MAGI1: variants seen among roughly 807,000 people sequenced by gnomAD.
The protein encoded by MAGI1 is membrane associated guanylate kinase, WW and PDZ domain containing 1.
A neutral mutation model predicts 139.9 loss-of-function variants in MAGI1; 58 were observed. The observed-to-expected ratio is 0.41, with a 90% CI of 0.34 to 0.52. The LOEUF (loss-of-function observed/expected upper bound fraction) is 0.52. Ranked by LOEUF, MAGI1 falls within the 20% of genes least tolerant of loss-of-function variation. MAGI1 has a pLI of 0.12. For missense variants in MAGI1, 1,874 were observed against 1,901.6 expected (o/e 0.99, Z 0.27); for synonymous variants, 812 against 737.9 (o/e 1.10, Z -1.63).
chr3:65,383,600 T>A lies in MAGI1; in HGVS notation c.2440A>T (p.Ile814Phe), dbSNP rs1248678246. Residue 814 changes from isoleucine (I) to phenylalanine (F), a missense_variant, in exon 15 of 23, where the codon ATC becomes TTC. Around this residue, in one of 5 missense-constraint regions of MAGI1, gnomAD observed 482 missense variants for 509.6 expected, o/e 0.95. Transcript: ENST00000402939. ...NRLPDYQEQDIFLWRKETGFG... is the reference protein window; with the variant it reads ...NRLPDYQEQDFFLWRKETGFG... ...CCAGTCTCTTTTCTCCAGAGGAAGA[T>A]GTCCTGTTCCTGGTAATCTGGAACT... The A allele has an allele frequency of 1.2e-6, 2 of 1,613,270 alleles. No individual in the cohort carries two copies. Among genetic ancestry groups the A allele is most frequent in the Non-Finnish European group, 1.7e-6 (2 of 1,179,392 alleles).
At chr3:65,740,809 T>C (rs1052302185) in intron 1 of MAGI1, among the ~76,000 whole-genome samples, 1 of 152,206 alleles carries the variant, frequency 6.6e-6, no homozygotes. Flanking sequence ...TAGTGCTAAG[T>C]AAATAAAAAT....
intron 2 of MAGI1, among the ~76,000 whole-genome samples, chr3:65,524,272 TG>T (rs1371316541): frequency 2.6e-5 from 4 of 152,198 alleles, no homozygotes; most frequent in Admixed American, 1.3e-4. Context: ...CTGGAAACGA[TG>T]GAGTCTCTCA....
chr3:65,901,700 C>T (rs1043141210), intron 1 of MAGI1, among the ~76,000 whole-genome samples: 1 of 152,148 alleles, frequency 6.6e-6, no homozygotes, highest in Non-Finnish European at 1.5e-5. Flanking sequence ...TATATCGGGG[C>T]TCTGGTCCAA....
At chr3:65,697,167 A>G (rs1373726956) in intron 1 of MAGI1, among the ~76,000 whole-genome samples, 1 of 152,080 alleles carries the variant, frequency 6.6e-6, no homozygotes, top group Non-Finnish European at 1.5e-5. Context: ...TCCCAAGACT[A>G]AACCAGGAAG....
intron 1 of MAGI1, among the ~76,000 whole-genome samples, chr3:65,998,965 T>A (rs968450186): frequency 6.6e-6 from 1 of 152,128 alleles, no homozygotes; most frequent in Middle Eastern, 3.5e-3. Context: ...GAGAATAGAA[T>A]CACATCTAAA....
chr3:65,645,055 C>CA (rs2085186251), intron 1 of MAGI1, among the ~76,000 whole-genome samples: 1 of 147,620 alleles, frequency 6.8e-6, no homozygotes, highest in South Asian at 2.2e-4. Context: ...AAAAAAGAAA[C>CA]AGAGCCTCAG....
intron 1 of MAGI1, among the ~76,000 whole-genome samples, chr3:65,816,599 C>A (rs372273662): frequency 1.3e-5 from 2 of 148,896 alleles, no homozygotes; most frequent in African/African-American, 5.0e-5. Flanking sequence ...CAAAATGGAG[C>A]TTTGTTAACA....
At chr3:65,492,024 A>G (rs532271421) in intron 3 of MAGI1, among the ~76,000 whole-genome samples, 1 of 152,340 alleles carries the variant, frequency 6.6e-6, no homozygotes, top group Admixed American at 6.5e-5. Flanking sequence ...CTGTAACAGA[A>G]GCAATTATCA....
intron 1 of MAGI1, among the ~76,000 whole-genome samples, chr3:65,729,025 C>T (rs144087543): frequency 6.9e-6 from 1 of 145,364 alleles, no homozygotes; most frequent in Non-Finnish European, 1.5e-5. Context: ...TCAAGTTTTG[C>T]AAAAATTTGG....
At chr3:65,638,661 G>A (rs1034569137) in intron 1 of MAGI1, among the ~76,000 whole-genome samples, 2 of 137,214 alleles carry the variant, frequency 1.5e-5, no homozygotes, top group African/African-American at 5.5e-5. Flanking sequence ...CCAGGCTGGA[G>A]TGCAGTGGTG....
At chr3:65,767,668 C>T (rs2037601738) in intron 1 of MAGI1, among the ~76,000 whole-genome samples, 1 of 152,170 alleles carries the variant, frequency 6.6e-6, no homozygotes, top group Admixed American at 6.5e-5. Flanking sequence ...ATCTCCTGCA[C>T]TAGGCCCCAA....
chr3:65,940,589 T>A lies in MAGI1; in HGVS notation c.313+97407A>T, dbSNP rs961045048. 2.0e-5 allele frequency among the ~76,000 whole-genome samples: 3 copies of A among 152,282 alleles called. No individual in the cohort carries two copies. In the South Asian group the frequency reaches 6.2e-4, roughly 32 times the overall value. ...CCAACAGTCCCACTTCCTTACACCA[T>A]CACATTGAGGGTTATGATTTCAACA... is the stretch of plus-strand genomic sequence containing the variant. On this transcript the variant is annotated intron_variant, in intron 1 of 22. Coordinates refer to ENST00000402939, the MANE Select transcript of MAGI1 (RefSeq NM_001033057.2).
chr3:65,757,908 TAAAC>T (rs148333601), intron 1 of MAGI1, among the ~76,000 whole-genome samples: 21,689 of 152,194 alleles, frequency 0.14, 2,007 homozygotes, highest in Middle Eastern at 0.24. Context: ...CAATTTCCCT[TAAAC>T]AATAGAGACA....
chr3:65,687,750 T>C (rs188761243), intron 1 of MAGI1: 42 of 553,614 alleles, frequency 7.6e-5, no homozygotes, highest in Admixed American at 6.3e-4. Flanking sequence ...CACAGGATCC[T>C]TCTGAAGTTT....
Position 65,356,304 on chromosome 3 carries a change from CTAAA to C in MAGI1, c.*70_*73del. 1 of 1,444,218 alleles carries C rather than the reference CTAAA, an allele frequency of 6.9e-7. No individual in the cohort carries two copies. The highest frequency in any genetic ancestry group is 9.2e-7 in the Non-Finnish European group (1 of 1,089,402). The allele number at this position is 1,444,218 out of a possible 1,614,324, so 89.5% of individuals were successfully genotyped here. A position where few individuals can be genotyped will look rare whatever the true frequency, so the allele number is the denominator to read the frequency against. ...GTCAGATGCTTCATTAGGTAAGAAACTAAATAATTTCAGGTTTGTGACTTTCCTC... is the reference window on the plus strand; with the variant it reads ...GTCAGATGCTTCATTAGGTAAGAAACTAATTTCAGGTTTGTGACTTTCCTC... On this transcript the variant is annotated 3_prime_UTR_variant, in exon 23 of 23. Coordinates refer to ENST00000402939, the MANE Select transcript of MAGI1 (RefSeq NM_001033057.2).
At chr3:66,010,659 A>C (rs900616643) in intron 1 of MAGI1, among the ~76,000 whole-genome samples, 1 of 152,176 alleles carries the variant, frequency 6.6e-6, no homozygotes, top group Non-Finnish European at 1.5e-5. Flanking sequence ...CTCTTTGAAA[A>C]TCCCAAACAC....
At chr3:65,931,328 C>T (rs182771656) in intron 1 of MAGI1, among the ~76,000 whole-genome samples, 6 of 152,314 alleles carry the variant, frequency 3.9e-5, no homozygotes, top group Admixed American at 3.3e-4. Flanking sequence ...CCACCGCACC[C>T]GGCCCTCCCT....
intron 13 of MAGI1, among the ~76,000 whole-genome samples, chr3:65,398,769 A>C (rs1944615832): frequency 6.6e-6 from 1 of 152,070 alleles, no homozygotes; most frequent in African/African-American, 2.4e-5. Context: ...TTGGCAGAAA[A>C]ATCCCTGATG....
At chr3:65,575,072 T>A (rs12636953) in intron 2 of MAGI1, among the ~76,000 whole-genome samples, 16,578 of 152,032 alleles carry the variant, frequency 0.11, 1,270 homozygotes, top group African/African-American at 0.21. Context: ...TATTGCTTCA[T>A]AGTTAAAAAT....
Sources: allele counts gnomAD v4.1 joint callset (sites outside exome capture counted in the v4.1 genomes callset), GRCh38; gene constraint gnomAD v4.1.1; regional missense constraint gnomAD v4.1.1; transcripts MANE v1.5; gene names NCBI Gene and HGNC (gene_info 2026-07-23, HGNC 2026-07-21).